Variants in SMCO2 observed in about 807,000 individuals in gnomAD.
SMCO2 encodes the protein single-pass membrane and coiled-coil domain-containing protein 2.
SMCO2 carries 25 observed loss-of-function variants against 29.5 expected under a neutral mutation model. The observed-to-expected ratio is 0.85, with a 90% CI of 0.62 to 1.18. The LOEUF (loss-of-function observed/expected upper bound fraction) is 1.18, where lower values mean the gene tolerates loss of function less well. Among genes scored for constraint, SMCO2 ranks in the 50% most tolerant of loss-of-function variants. The pLI, the probability that SMCO2 is intolerant of heterozygous loss-of-function variation, is 0.00. For synonymous variants in SMCO2, 117 were observed against 123.3 expected, an observed-to-expected ratio of 0.95 and a Z score of 0.34; for missense variants, 348 against 344.5, an observed-to-expected ratio of 1.01 and a Z score of -0.08.
At chr12:27,474,949 A>C in intron 4 of SMCO2, 36 bp downstream of exon 4, 1 of 1,543,026 alleles carries the variant, frequency 6.5e-7, no homozygotes, top group Non-Finnish European at 8.7e-7. Context: ...AGCATTTAAT[A>C]ATGTGTGGAG....
chr12:27,495,481 A>T (rs990400857), intron 6 of SMCO2, among the ~76,000 whole-genome samples, 199 bp from the exon 8 acceptor site: 4 of 150,546 alleles, frequency 2.7e-5, no homozygotes, highest in Non-Finnish European at 5.9e-5. Context: ...TTTCTACCGT[A>T]GTGCTACCTT....
the SMCO2 span, among the ~76,000 whole-genome samples, chr12:27,438,623 A>G: frequency 6.6e-6 from 1 of 152,172 alleles, no homozygotes. Flanking sequence ...GATCAACTAC[A>G]TTAGTCATTC....
At chr12:27,489,674 G>C (rs1435670841) in intron 5 of SMCO2, among the ~76,000 whole-genome samples, 1 of 152,090 alleles carries the variant, frequency 6.6e-6, no homozygotes, top group East Asian at 1.9e-4. Flanking sequence ...TATTGCCTGG[G>C]GGAAAAATTA....
the SMCO2 span, among the ~76,000 whole-genome samples, chr12:27,452,859 G>A: frequency 1.3e-5 from 2 of 152,148 alleles, no homozygotes; most frequent in Non-Finnish European, 2.9e-5. Context: ...TTGTATGGTG[G>A]TTCTCTTTTC....
chr12:27,491,838 G>T (rs1942916366), intron 5 of SMCO2, among the ~76,000 whole-genome samples: 1 of 151,712 alleles, frequency 6.6e-6, no homozygotes, highest in Admixed American at 6.6e-5. Flanking sequence ...CCAGTAGCTG[G>T]GACTACAGGG....
intron 5 of SMCO2, among the ~76,000 whole-genome samples, chr12:27,491,547 T>A (rs1289474178): frequency 1.3e-5 from 2 of 152,148 alleles, no homozygotes; most frequent in African/African-American, 2.4e-5. Context: ...ATAAACGTGT[T>A]AAAAAATAGC....
At chr12:27,471,032 G>A (rs1159607556) in intron 2 of SMCO2, among the ~76,000 whole-genome samples, 2 of 151,940 alleles carry the variant, frequency 1.3e-5, no homozygotes, top group Non-Finnish European at 2.9e-5. Flanking sequence ...ATTGTTTTAT[G>A]GCTTCATTAT....
At chr12:27,451,222 C>T in the SMCO2 span, among the ~76,000 whole-genome samples, 1 of 152,198 alleles carries the variant, frequency 6.6e-6, no homozygotes, top group African/African-American at 2.4e-5. Flanking sequence ...AAATGCAAAA[C>T]TGTTGCTCCC....
chr12:27,426,667 TTAAG>T, the SMCO2 span, among the ~76,000 whole-genome samples: 9 of 152,278 alleles, frequency 5.9e-5, no homozygotes, highest in African/African-American at 1.9e-4. Flanking sequence ...AGCTTCATCA[TTAAG>T]TTAGTAAAAA....
chr12:27,442,235 C>CA, the SMCO2 span, among the ~76,000 whole-genome samples: 3 of 151,284 alleles, frequency 2.0e-5, no homozygotes, highest in Non-Finnish European at 4.4e-5. Context: ...GAAATTGAGA[C>CA]AAAAAAATTA....
At chr12:27,488,672 G>T in intron 5 of SMCO2, 125 bp downstream of exon 6, 1 of 586,512 alleles carries the variant, frequency 1.7e-6, no homozygotes, top group Non-Finnish European at 2.7e-6. Flanking sequence ...GCTCTCTGGT[G>T]GTCACGTCTG....
chr12:27,472,705 G>T (rs1949551157), intron 2 of SMCO2, 71 bp from the exon 3 acceptor site: 1 of 1,106,634 alleles, frequency 9.0e-7, no homozygotes. Context: ...CCTTTAGAAA[G>T]GAGTAGTGCA....
At chr12:27,464,378 C>A (rs1199333489), upstream of SMCO2, among the ~76,000 whole-genome samples, 1 of 151,954 alleles carries the variant, frequency 6.6e-6, no homozygotes, top group Non-Finnish European at 1.5e-5. Context: ...AAGACAGAAA[C>A]CAGCTGTTGG....
At chr12:27,450,371 T>C in the SMCO2 span, among the ~76,000 whole-genome samples, 1 of 152,022 alleles carries the variant, frequency 6.6e-6, no homozygotes, top group African/African-American at 2.4e-5. Context: ...TTTCTTCTGA[T>C]GCCCAGTTTC....
chr12:27,461,452 T>C, the SMCO2 span, among the ~76,000 whole-genome samples: 1 of 152,294 alleles, frequency 6.6e-6, no homozygotes, highest in East Asian at 1.9e-4. Context: ...TTCCCTCCTT[T>C]GTGTTCATGT....
chr12:27,471,628 G>A (rs566038270), intron 2 of SMCO2, among the ~76,000 whole-genome samples: 74 of 152,272 alleles, frequency 4.9e-4, no homozygotes, highest in African/African-American at 1.8e-3. Context: ...GGTAGGGAAT[G>A]GGCAAAGACT....
chr12:27,449,718 T>C, the SMCO2 span, among the ~76,000 whole-genome samples: 1 of 152,236 alleles, frequency 6.6e-6, no homozygotes, highest in Non-Finnish European at 1.5e-5. Flanking sequence ...TAACACCAAT[T>C]ATGTCCCACT....
chr12:27,431,623 A>G, the SMCO2 span, among the ~76,000 whole-genome samples: 1 of 152,134 alleles, frequency 6.6e-6, no homozygotes, highest in Non-Finnish European at 1.5e-5. Flanking sequence ...ATTGTAGATC[A>G]CATTTTAAAA....
At chr12:27,451,649 A>G in the SMCO2 span, among the ~76,000 whole-genome samples, 1 of 152,194 alleles carries the variant, frequency 6.6e-6, no homozygotes, top group Non-Finnish European at 1.5e-5. Context: ...AGTCCACTTT[A>G]AATGAATATG....
Sources: gnomAD v4.1 joint callset for allele counts (sites outside exome capture counted in the v4.1 genomes callset) on GRCh38, gnomAD v4.1.1 for gene constraint, MANE v1.5 for transcripts, NCBI Gene and HGNC (gene_info 2026-07-23, HGNC 2026-07-21) for gene names.